CADM1: variants seen among roughly 807,000 people sequenced by gnomAD.
CADM1 encodes TSLC-1.
Under a neutral mutation model 53.1 loss-of-function variants are expected in CADM1, and 15 were observed. The observed-to-expected ratio is 0.28, with a 90% CI of 0.19 to 0.44. The LOEUF is 0.44. Ranked by LOEUF, CADM1 falls within the 20% of genes least tolerant of loss-of-function variation. The pLI is 1.00. For synonymous variants in CADM1, 281 were observed against 243.0 expected (o/e 1.16, Z -1.45); for missense variants, 434 against 611.3 (o/e 0.71, Z 3.06).
intron 1 of CADM1, among the ~76,000 whole-genome samples, chr11:115,441,364 T>C (rs992526625): frequency 5.7e-4 from 87 of 151,970 alleles, no homozygotes; most frequent in African/African-American, 2.1e-3. Flanking sequence ...TGCAGAGATA[T>C]TGAATATAAG....
At chr11:115,349,398 G>A (rs749961703) in intron 1 of CADM1, among the ~76,000 whole-genome samples, 2 of 152,162 alleles carry the variant, frequency 1.3e-5, no homozygotes, top group African/African-American at 2.4e-5. Context: ...TCTTTGAAAA[G>A]AGCATGACAA....
chr11:115,268,959 T>C (rs1943221042), intron 1 of CADM1, among the ~76,000 whole-genome samples: 1 of 152,084 alleles, frequency 6.6e-6, no homozygotes, highest in African/African-American at 2.4e-5. Flanking sequence ...TGCGCTCTTC[T>C]GGTTGGCTAC....
intron 1 of CADM1, among the ~76,000 whole-genome samples, chr11:115,384,934 T>G (rs1946663222): frequency 6.6e-6 from 1 of 152,226 alleles, no homozygotes; most frequent in South Asian, 2.1e-4. Flanking sequence ...AGATTTCATT[T>G]CATGTTTTGG....
At chr11:115,336,012 C>G (rs1945257584) in intron 1 of CADM1, among the ~76,000 whole-genome samples, 1 of 152,108 alleles carries the variant, frequency 6.6e-6, no homozygotes, top group Non-Finnish European at 1.5e-5. Flanking sequence ...AACTCAATCT[C>G]CCCAGTCTTC....
At chr11:115,198,892 C>T (rs1940289680) in intron 8 of CADM1, among the ~76,000 whole-genome samples, 1 of 152,238 alleles carries the variant, frequency 6.6e-6, no homozygotes, top group Non-Finnish European at 1.5e-5. Flanking sequence ...CACCCGGGCA[C>T]TTGGGCTTCT....
At chr11:115,423,555 TCCC>T (rs1420189420) in intron 1 of CADM1, among the ~76,000 whole-genome samples, 1 of 152,228 alleles carries the variant, frequency 6.6e-6, no homozygotes, top group African/African-American at 2.4e-5. Context: ...CTGTTATCTA[TCCC>T]CCCACCTTTT....
At chr11:115,289,639 AGGCTGGAGTGCAGT>A (rs1403477306) in intron 1 of CADM1, among the ~76,000 whole-genome samples, 4 of 130,614 alleles carry the variant, frequency 3.1e-5, no homozygotes, top group Admixed American at 2.8e-4. Context: ...TCTGTCGCCC[AGGCTGGAGTGCAGT>A]GGCGCGATCT....
chr11:115,186,653 GCC>G (rs1276893024), intron 10 of CADM1, among the ~76,000 whole-genome samples: 2 of 152,108 alleles, frequency 1.3e-5, no homozygotes, highest in Non-Finnish European at 2.9e-5. Context: ...GAGACCAAGA[GCC>G]CTTCCTTAAC....
At chr11:115,465,509 A>G (rs929190108) in intron 1 of CADM1, among the ~76,000 whole-genome samples, 2 of 152,224 alleles carry the variant, frequency 1.3e-5, no homozygotes, top group African/African-American at 4.8e-5. Context: ...TTAGGTTACA[A>G]TAGCTAACAC....
intron 1 of CADM1, among the ~76,000 whole-genome samples, chr11:115,290,002 T>C (rs1047889828): frequency 2.0e-5 from 3 of 152,234 alleles, no homozygotes; most frequent in Non-Finnish European, 4.4e-5. Context: ...TACAAAGGTA[T>C]CCTCTCTTTC....
intron 1 of CADM1, among the ~76,000 whole-genome samples, chr11:115,355,906 C>G (rs1297881631): frequency 6.6e-6 from 1 of 152,218 alleles, no homozygotes; most frequent in Non-Finnish European, 1.5e-5. Context: ...GATCTTGGCT[C>G]ACTGCAACCT....
At chr11:115,490,922 C>A (rs1248501779) in intron 1 of CADM1, among the ~76,000 whole-genome samples, 1 of 152,144 alleles carries the variant, frequency 6.6e-6, no homozygotes, top group African/African-American at 2.4e-5. Context: ...TAAATGAGAT[C>A]ATGAATACAG....
rs1938910680 is a variant in CADM1, at chr11:115,174,245, A to T, written c.*2229T>A. The T allele has an allele frequency of 1.0e-6, 1 of 984,866 alleles. No individual in the cohort carries two copies. Among genetic ancestry groups the T allele is most frequent in the African/African-American group, 1.8e-5 (1 of 57,068 alleles). The allele number at this position is 984,866 out of a possible 1,614,324, so 61.0% of individuals were successfully genotyped here. ...TGGGAGGTCCCAAAAATGAGATGCC[A>T]ATTCTGTGAGCAATGGTGTGATTTT... On this transcript the variant is annotated 3_prime_UTR_variant, in exon 12 of 12. Transcript: ENST00000331581.
chr11:115,202,893 G>C (rs368411677), intron 8 of CADM1, among the ~76,000 whole-genome samples: 1 of 150,536 alleles, frequency 6.6e-6, no homozygotes, highest in East Asian at 1.9e-4. Context: ...GAACTCGATC[G>C]AAAACAAAAA....
At chr11:115,315,622 T>C (rs192516721) in intron 1 of CADM1, among the ~76,000 whole-genome samples, 39 of 151,560 alleles carry the variant, frequency 2.6e-4, no homozygotes, top group Non-Finnish European at 4.4e-4. Context: ...GGTGCCTGTA[T>C]CGTTGCCTTG....
Position 115,198,455 on chromosome 11 carries a change from AG to A in CADM1, c.1079-18del, listed in dbSNP as rs1940267746. 1 of 1,593,928 alleles carries A rather than the reference AG, an allele frequency of 6.3e-7. No homozygotes were observed. Among genetic ancestry groups the A allele is most frequent in the Admixed American group, 1.7e-5 (1 of 59,698 alleles). ...CCGTTGTGTCTACAGACGGGAACAG[AG>A]GATTGGAGGAAGGGAAGAAACAGGA... is the stretch of plus-strand genomic sequence containing the variant. On this transcript the variant is annotated intron_variant, in intron 8 of 11. Transcript: ENST00000331581.
chr11:115,435,975 CA>C (rs1320092880), intron 1 of CADM1, among the ~76,000 whole-genome samples: 1 of 152,156 alleles, frequency 6.6e-6, no homozygotes, highest in Admixed American at 6.5e-5. Flanking sequence ...AAGAAACCTA[CA>C]AAATCTCTGC....
intron 1 of CADM1, among the ~76,000 whole-genome samples, chr11:115,426,012 G>A (rs537438170): frequency 4.6e-4 from 70 of 152,266 alleles, no homozygotes; most frequent in Non-Finnish European, 9.3e-4. Context: ...GGAAGGGAAC[G>A]CTCTGCGGGA....
chr11:115,405,386 C>G (rs1004793171), intron 1 of CADM1, among the ~76,000 whole-genome samples: 6 of 152,206 alleles, frequency 3.9e-5, no homozygotes, highest in Non-Finnish European at 7.3e-5. Context: ...ACCTATGCTA[C>G]CAGCCATGAG....
Sources: allele counts gnomAD v4.1 joint callset (sites outside exome capture counted in the v4.1 genomes callset), GRCh38; gene constraint gnomAD v4.1.1; transcripts MANE v1.5; gene names NCBI Gene and HGNC (gene_info 2026-07-23, HGNC 2026-07-21).